The following FSHR variants were observed in gnomAD, a reference collection of about 807,000 sequenced individuals.
The protein encoded by FSHR is follicle-stimulating hormone receptor.
In FSHR, 46 loss-of-function variants were observed where a neutral mutation model predicts 52.1. That is an observed-to-expected ratio of 0.88 (90% CI 0.70 to 1.13). The LOEUF (loss-of-function observed/expected upper bound fraction) is 1.13. Ranked by LOEUF, FSHR falls within the 50% of genes most tolerant of loss-of-function variation. The pLI, the probability that FSHR is intolerant of heterozygous loss-of-function variation, is 0.00. For missense variants in FSHR, 964 were observed against 834.6 expected (o/e 1.16, Z -1.91); for synonymous variants, 399 against 309.6 (o/e 1.29, Z -3.03).
intron 2 of FSHR, among the ~76,000 whole-genome samples, chr2:49,047,954 C>A (rs186898271): frequency 6.6e-6 from 1 of 152,184 alleles, no homozygotes; most frequent in Non-Finnish European, 1.5e-5. Flanking sequence ...TCTCAGCTCA[C>A]GGCAAACTCC....
intron 2 of FSHR, among the ~76,000 whole-genome samples, chr2:49,054,159 T>C (rs1401145388): frequency 6.6e-6 from 1 of 152,186 alleles, no homozygotes; most frequent in Non-Finnish European, 1.5e-5. Flanking sequence ...ATCTATAACA[T>C]AGCACTAATG....
chr2:49,073,625 G>C (rs1669836090), intron 1 of FSHR, among the ~76,000 whole-genome samples: 1 of 151,918 alleles, frequency 6.6e-6, no homozygotes, highest in African/African-American at 2.4e-5. Context: ...ACCACCCAAA[G>C]CAATCTACAG....
At chr2:49,133,920 A>G (rs1327919348) in intron 1 of FSHR, among the ~76,000 whole-genome samples, 6 of 152,222 alleles carry the variant, frequency 3.9e-5, no homozygotes, top group Non-Finnish European at 8.8e-5. Flanking sequence ...AAGTTAATTC[A>G]AGATGGATTA....
intron 1 of FSHR, among the ~76,000 whole-genome samples, chr2:49,073,210 G>A (rs928712329): frequency 8.6e-5 from 13 of 152,046 alleles, no homozygotes; most frequent in Non-Finnish European, 1.8e-4. Context: ...TCTAGCCAGA[G>A]CAATTAGGCA....
intron 6 of FSHR, among the ~76,000 whole-genome samples, chr2:48,987,573 C>A (rs545100942): frequency 7.9e-5 from 12 of 152,196 alleles, no homozygotes; most frequent in African/African-American, 2.9e-4. Context: ...GTTCCCTCTG[C>A]ACGCCCTTTG....
At chr2:49,023,224 C>T (rs1229906122) in intron 2 of FSHR, among the ~76,000 whole-genome samples, 1 of 152,184 alleles carries the variant, frequency 6.6e-6, no homozygotes, top group Non-Finnish European at 1.5e-5. Flanking sequence ...TTTCATTTCT[C>T]AGCTGAAGCA....
intron 2 of FSHR, among the ~76,000 whole-genome samples, chr2:49,045,536 C>T (rs1477668278): frequency 1.3e-5 from 2 of 152,056 alleles, no homozygotes; most frequent in Non-Finnish European, 2.9e-5. Flanking sequence ...ATGTTAATTT[C>T]AAGGGAAGGC....
intron 1 of FSHR, among the ~76,000 whole-genome samples, chr2:49,106,852 G>A (rs912095729): frequency 2.6e-5 from 4 of 152,142 alleles, no homozygotes; most frequent in African/African-American, 9.7e-5. Flanking sequence ...AAGATGGCAA[G>A]TCCCTCAGCT....
At chr2:49,106,237 C>A (rs1185726428) in intron 1 of FSHR, among the ~76,000 whole-genome samples, 2 of 152,124 alleles carry the variant, frequency 1.3e-5, no homozygotes, top group Non-Finnish European at 2.9e-5. Context: ...AGTGCAAACA[C>A]TGCAGGGAGA....
intron 2 of FSHR, among the ~76,000 whole-genome samples, chr2:49,039,409 G>A (rs1371547956): frequency 6.6e-6 from 1 of 152,190 alleles, no homozygotes; most frequent in Non-Finnish European, 1.5e-5. Context: ...GTCTCCACCT[G>A]CTGCACTGTC....
At chr2:49,144,778 G>A (rs572634448) in intron 1 of FSHR, among the ~76,000 whole-genome samples, 1 of 152,218 alleles carries the variant, frequency 6.6e-6, no homozygotes, top group East Asian at 1.9e-4. Flanking sequence ...GTTGTTGACT[G>A]TGGGTACCTG....
In FSHR at chr2:48,983,083, G is replaced by A. The variant is rs889454073; in HGVS notation, c.593+15C>T. The stretch of plus-strand genomic sequence containing the variant: ...TCCCTTTAAATGGCCTTGAAGAATA[G>A]TCAGGGCTACTTACAGCTCATCTAG... On this transcript the variant is annotated intron_variant, in intron 7 of 9. Transcript: ENST00000406846. The A allele has an allele frequency of 6.2e-7, 1 of 1,613,046 alleles. No homozygotes were observed.
intron 2 of FSHR, among the ~76,000 whole-genome samples, chr2:49,049,422 C>G (rs1170523383): frequency 6.6e-6 from 1 of 152,054 alleles, no homozygotes; most frequent in Admixed American, 6.6e-5. Context: ...TCTGTCATAT[C>G]TTAGCACCTG....
Position 49,154,471 on chromosome 2 carries a change from A to T in FSHR, c.-54T>A, listed in dbSNP as rs1673175022. On this transcript the variant is annotated 5_prime_UTR_variant, in exon 1 of 10. Transcript: ENST00000406846. The stretch of plus-strand genomic sequence containing the variant: ...CCTGCATTTGCAGAGAAAAACCTCC[A>T]CAGATCTCAGAAGCTCCACACAGTG... The T allele has an allele frequency of 6.3e-7, 1 of 1,588,332 alleles. No homozygotes were observed. The highest frequency in any genetic ancestry group is 1.7e-5 in the Admixed American group (1 of 59,710).
At chr2:49,138,506 A>C (rs946398872) in intron 1 of FSHR, among the ~76,000 whole-genome samples, 12 of 152,222 alleles carry the variant, frequency 7.9e-5, no homozygotes, top group African/African-American at 2.9e-4. Context: ...CCATACAATT[A>C]AATATTTTTC....
intron 2 of FSHR, among the ~76,000 whole-genome samples, chr2:49,038,777 ATGT>A (rs1196291762): frequency 3.9e-5 from 6 of 151,998 alleles, no homozygotes; most frequent in Admixed American, 1.3e-4. Flanking sequence ...TAAGGTTCTC[ATGT>A]TGTTCAAATA....
intron 1 of FSHR, among the ~76,000 whole-genome samples, chr2:49,130,849 G>T (rs1672238415): frequency 3.9e-5 from 6 of 152,148 alleles, no homozygotes; most frequent in Admixed American, 3.9e-4. Context: ...GGAGGGTGTA[G>T]GAGACAAGCT....
chr2:49,001,568 A>G (rs1666885719), intron 4 of FSHR, among the ~76,000 whole-genome samples: 1 of 152,150 alleles, frequency 6.6e-6, no homozygotes, highest in African/African-American at 2.4e-5. Context: ...TAAATTACAT[A>G]AGGGAGTTGC....
At position 49,088,790 on chromosome 2, in the gene FSHR, T is replaced by G. The variant is rs114224212; in HGVS notation, c.153-20500A>C. 3.6e-3 allele frequency among the ~76,000 whole-genome samples: 547 copies of G among 152,278 alleles called. 4 individuals carry two copies. The highest frequency in any genetic ancestry group is 0.013 in the African/African-American group (531 of 41,542). On this transcript the variant is annotated intron_variant, in intron 1 of 9. Transcript: ENST00000406846. Reference sequence around the variant, plus strand: ...TTAGAGTCCATGAACTCTGGCTGACTGACAGTCACTGAGAATGAAGTCACA... The same window carrying G: ...TTAGAGTCCATGAACTCTGGCTGACGGACAGTCACTGAGAATGAAGTCACA...
Sources: gnomAD v4.1 joint callset for allele counts (sites outside exome capture counted in the v4.1 genomes callset) on GRCh38, gnomAD v4.1.1 for gene constraint, MANE v1.5 for transcripts, NCBI Gene and HGNC (gene_info 2026-07-23, HGNC 2026-07-21) for gene names.